AOPEP: variants seen among roughly 807,000 people sequenced by gnomAD.
AOPEP encodes the protein aminopeptidase O.
Under a neutral mutation model 98.1 loss-of-function variants are expected in AOPEP, and 77 were observed. That is an observed-to-expected ratio of 0.78 (90% CI 0.65 to 0.95). The LOEUF is 0.95. Among genes scored for constraint, AOPEP ranks in the 40% least tolerant of loss-of-function variants. AOPEP has a pLI of 0.00. For synonymous variants in AOPEP, 346 were observed against 365.3 expected, an observed-to-expected ratio of 0.95 and a Z score of 0.60; for missense variants, 1,024 against 1,024.7, an observed-to-expected ratio of 1.00 and a Z score of 0.01.
chr9:94,877,304 C>CT (rs1180569507), intron 5 of AOPEP, among the ~76,000 whole-genome samples: 4 of 152,098 alleles, frequency 2.6e-5, no homozygotes, highest in Non-Finnish European at 2.9e-5. Context: ...GTCTGTAAAT[C>CT]TGCATAGCTC....
intron 5 of AOPEP, among the ~76,000 whole-genome samples, chr9:94,857,471 G>C (rs1033485192): frequency 1.3e-5 from 2 of 152,178 alleles, no homozygotes; most frequent in Non-Finnish European, 2.9e-5. Context: ...TGGCTGCTCT[G>C]GTAGGAGCGC....
chr9:94,915,672 A>G (rs761698475), intron 5 of AOPEP, among the ~76,000 whole-genome samples: 5 of 152,162 alleles, frequency 3.3e-5, no homozygotes, highest in African/African-American at 4.8e-5. Flanking sequence ...TGTTGCGCTC[A>G]GGCCTCTTGT....
intron 2 of AOPEP, 59 bp downstream of exon 2, chr9:94,760,639 G>A: frequency 1.5e-6 from 2 of 1,369,088 alleles, no homozygotes; most frequent in Admixed American, 2.4e-5. Flanking sequence ...CTGCGGGGAT[G>A]CTTTCAAACA....
intron 5 of AOPEP, among the ~76,000 whole-genome samples, chr9:94,884,500 A>C (rs902151073): frequency 2.0e-5 from 3 of 152,188 alleles, no homozygotes; most frequent in African/African-American, 4.8e-5. Flanking sequence ...AAGACTTGGG[A>C]TATAAAGAGG....
chr9:95,117,968 C>T, the AOPEP span, among the ~76,000 whole-genome samples: 1,332 of 151,392 alleles, frequency 8.8e-3, 23 homozygotes, highest in African/African-American at 0.031. Flanking sequence ...GTGATCTGGC[C>T]GCCTCGGCCT....
chr9:95,089,579 C>T (rs1187755880), downstream of AOPEP, among the ~76,000 whole-genome samples: 4 of 152,196 alleles, frequency 2.6e-5, no homozygotes, highest in Non-Finnish European at 4.4e-5. Context: ...CTGAAGCCTC[C>T]GTGTCCAGGC....
chr9:94,913,153 T>C (rs2052327131), intron 5 of AOPEP, among the ~76,000 whole-genome samples: 1 of 152,182 alleles, frequency 6.6e-6, no homozygotes, highest in East Asian at 1.9e-4. Flanking sequence ...ATGCAAAGAA[T>C]GATGAGTCAA....
chr9:95,143,146 C>T, the AOPEP span, among the ~76,000 whole-genome samples: 3 of 152,128 alleles, frequency 2.0e-5, no homozygotes, highest in Non-Finnish European at 4.4e-5. Flanking sequence ...TTGCCATTAC[C>T]AATTTATTCT....
At chr9:95,131,226 G>C in the AOPEP span, among the ~76,000 whole-genome samples, 1 of 152,138 alleles carries the variant, frequency 6.6e-6, no homozygotes, top group Non-Finnish European at 1.5e-5. Context: ...TCTTCTCTGT[G>C]TTTGGACACA....
At chr9:94,916,707 AAATT>A (rs1554767801) in intron 5 of AOPEP, among the ~76,000 whole-genome samples, 7 of 147,182 alleles carry the variant, frequency 4.8e-5, no homozygotes, top group Admixed American at 2.0e-4. Flanking sequence ...AAAAAAAAAA[AAATT>A]AAATAAATAA....
At chr9:94,824,921 T>G (rs1419206653) in intron 5 of AOPEP, 5 of 152,070 alleles carry the variant, frequency 3.3e-5, no homozygotes, top group Non-Finnish European at 7.4e-5. Context: ...TCCTGTGTTT[T>G]TAATGGCACC....
At chr9:94,858,500 G>A (rs1164368879) in intron 5 of AOPEP, among the ~76,000 whole-genome samples, 1 of 152,200 alleles carries the variant, frequency 6.6e-6, no homozygotes, top group East Asian at 1.9e-4. Context: ...GATTCCAGGG[G>A]AGAATCTTAT....
intron 13 of AOPEP, among the ~76,000 whole-genome samples, chr9:95,039,152 G>GGTTAACAT (rs2065077999): frequency 6.6e-6 from 1 of 152,176 alleles, no homozygotes; most frequent in African/African-American, 2.4e-5. Flanking sequence ...GAGTTAACAT[G>GGTTAACAT]GGATCGGCCC....
chr9:94,924,242 C>T (rs2053994525), intron 6 of AOPEP, 67 bp downstream of exon 6: 1 of 1,269,304 alleles, frequency 7.9e-7, no homozygotes, highest in African/African-American at 1.6e-5. Flanking sequence ...CATTTGCTCA[C>T]CCAACAGCTA....
the AOPEP span, among the ~76,000 whole-genome samples, chr9:95,096,879 C>T: frequency 3.3e-5 from 5 of 152,214 alleles, 1 homozygote; most frequent in South Asian, 4.1e-4. Flanking sequence ...GTTGTCTATT[C>T]GCTGTGTCTA....
intron 13 of AOPEP, among the ~76,000 whole-genome samples, chr9:95,042,293 C>T (rs1021695636): frequency 1.4e-5 from 2 of 147,992 alleles, no homozygotes; most frequent in Non-Finnish European, 3.0e-5. Flanking sequence ...GCCTGGGCAA[C>T]GGAGCGAGAC....
chr9:95,139,739 G>A, the AOPEP span, among the ~76,000 whole-genome samples: 2 of 151,060 alleles, frequency 1.3e-5, no homozygotes, highest in Non-Finnish European at 2.9e-5. Flanking sequence ...ATGGCTACCA[G>A]AATTACTGCA....
intron 7 of AOPEP, among the ~76,000 whole-genome samples, chr9:94,945,536 G>A (rs1385305201): frequency 6.6e-6 from 1 of 152,188 alleles, no homozygotes; most frequent in Non-Finnish European, 1.5e-5. Context: ...TCGTCCTCTT[G>A]TGCATCCTGG....
intron 9 of AOPEP, among the ~76,000 whole-genome samples, chr9:94,958,322 G>C (rs1487835206): frequency 6.6e-6 from 1 of 151,908 alleles, no homozygotes; most frequent in Non-Finnish European, 1.5e-5. Flanking sequence ...TCATCTTTTG[G>C]CCATTGTGAA....
Sources: allele counts gnomAD v4.1 joint callset (sites outside exome capture counted in the v4.1 genomes callset), GRCh38; gene constraint gnomAD v4.1.1; transcripts MANE v1.5; gene names NCBI Gene and HGNC (gene_info 2026-07-23, HGNC 2026-07-21).